The following EML1 variants were observed in gnomAD, a reference collection of about 807,000 sequenced individuals.
EML1 encodes echinoderm microtubule-associated protein-like 1.
EML1 carries 27 observed loss-of-function variants against 110.4 expected under a neutral mutation model. The observed-to-expected ratio is 0.24, with a 90% CI of 0.18 to 0.34. The LOEUF is 0.34. EML1 is among the 10% of genes least tolerant of loss of function. The pLI is 1.00. For synonymous variants in EML1, 344 were observed against 385.8 expected, an observed-to-expected ratio of 0.89 and a Z score of 1.27; for missense variants, 741 against 1,030.9, an observed-to-expected ratio of 0.72 and a Z score of 3.85.
intron 6 of EML1, 91 bp from the exon 7 acceptor site, chr14:99,897,054 T>A (rs1300845279): frequency 8.6e-7 from 1 of 1,167,166 alleles, no homozygotes; most frequent in Non-Finnish European, 1.2e-6. Context: ...GTAATAGTTA[T>A]ATGGTATTTT....
chr14:99,817,233 C>T (rs1378571118), intron 1 of EML1, among the ~76,000 whole-genome samples: 2 of 152,148 alleles, frequency 1.3e-5, no homozygotes, highest in Admixed American at 6.5e-5. Context: ...CTGGTTTGTC[C>T]ATCAGTTGTT....
At chr14:99,758,934 G>A (rs2140184212) in intron 1 of EML1, among the ~76,000 whole-genome samples, 1 of 152,332 alleles carries the variant, frequency 6.6e-6, no homozygotes, top group South Asian at 2.1e-4. Context: ...TTTGCTGATG[G>A]CCATGCTGGC....
chr14:99,868,433 A>G (rs2059138803), intron 3 of EML1, among the ~76,000 whole-genome samples: 1 of 152,130 alleles, frequency 6.6e-6, no homozygotes, highest in African/African-American at 2.4e-5. Flanking sequence ...CGCTGCAGCC[A>G]TTGGGTCCTG....
In EML1 at chr14:99,825,682, G is replaced by A. The variant is rs1260458076; in HGVS notation, c.68-25171G>A. Among the ~76,000 whole-genome samples the A allele has an allele frequency of 2.0e-5, 3 of 152,088 alleles. No homozygotes were observed. In the South Asian group the frequency reaches 6.2e-4, roughly 32 times the overall value. On this transcript the variant is annotated intron_variant, in intron 1 of 21. Transcript: ENST00000262233. ...TAGGAACTGTTATTGTCAGCACCTGGAGCCACACTAAGCGCTTACTAGGAG... is the reference window on the plus strand; with the variant it reads ...TAGGAACTGTTATTGTCAGCACCTGAAGCCACACTAAGCGCTTACTAGGAG...
chr14:99,756,870 C>T lies in EML1; in HGVS notation c.28+19010C>T, dbSNP rs762497870. 3.3e-5 allele frequency among the ~76,000 whole-genome samples: 5 copies of T among 152,156 alleles called. No individual in the cohort carries two copies. In the South Asian group the frequency reaches 6.2e-4, roughly 19 times the overall value. ...TCCTGTGTTCCCAGCCTCACACATC[C>T]GCACGCGGCCCGCACTCTCACAGGG... On this transcript the variant is annotated intron_variant, in intron 1 of 10. Coordinates refer to the EML1 transcript ENST00000554479.
chr14:99,748,427 CT>C (rs762393185), intron 1 of EML1, among the ~76,000 whole-genome samples: 85 of 146,730 alleles, frequency 5.8e-4, no homozygotes, highest in South Asian at 8.6e-4. Flanking sequence ...GCTTTGTTAT[CT>C]TTTTTTTTTT....
upstream of EML1, among the ~76,000 whole-genome samples, chr14:99,772,686 C>A (rs1190722147): frequency 1.3e-5 from 2 of 152,210 alleles, no homozygotes; most frequent in East Asian, 3.8e-4. Context: ...AGAAGTGGAG[C>A]AAAAGGTTCA....
upstream of EML1, among the ~76,000 whole-genome samples, chr14:99,791,996 C>G (rs2057679700): frequency 6.6e-6 from 1 of 152,230 alleles, no homozygotes; most frequent in African/African-American, 2.4e-5. Context: ...GGCCCTTCAG[C>G]CTTCACTCAC....
intron 9 of EML1, among the ~76,000 whole-genome samples, chr14:99,906,305 G>A (rs766621151): frequency 6.6e-6 from 1 of 152,212 alleles, no homozygotes; most frequent in African/African-American, 2.4e-5. Context: ...TTTTAGGAAA[G>A]TAAAGGAATA....
chr14:99,779,089 C>T (rs1478664005), intron 1 of EML1, among the ~76,000 whole-genome samples: 1 of 152,112 alleles, frequency 6.6e-6, no homozygotes, highest in Non-Finnish European at 1.5e-5. Context: ...GTTTTGGAAA[C>T]TTTTCTTGAA....
intron 16 of EML1, among the ~76,000 whole-genome samples, chr14:99,919,895 A>G (rs185438619): frequency 2.1e-4 from 32 of 152,334 alleles, no homozygotes; most frequent in Middle Eastern, 3.4e-3. Context: ...GTGGAAGACA[A>G]GGGACACTCA....
chr14:99,934,303 G>A (rs1006619427), intron 17 of EML1, among the ~76,000 whole-genome samples: 1 of 152,200 alleles, frequency 6.6e-6, no homozygotes, highest in African/African-American at 2.4e-5. Flanking sequence ...CCTGTCTCCG[G>A]CTTCAGCAGT....
intron 1 of EML1, among the ~76,000 whole-genome samples, chr14:99,836,239 T>C (rs987777867): frequency 1.3e-5 from 2 of 152,212 alleles, no homozygotes; most frequent in Admixed American, 1.3e-4. Context: ...ATTTAAATCC[T>C]GTAAATATTT....
intron 1 of EML1, among the ~76,000 whole-genome samples, chr14:99,766,377 A>G (rs1443350032): frequency 2.0e-5 from 3 of 151,838 alleles, no homozygotes; most frequent in Admixed American, 6.6e-5. Flanking sequence ...TATTTTTAGT[A>G]GAGACAGGGT....
At chr14:99,895,607 A>T (rs953460039) in intron 6 of EML1, among the ~76,000 whole-genome samples, 4 of 152,190 alleles carry the variant, frequency 2.6e-5, no homozygotes, top group Non-Finnish European at 5.9e-5. Flanking sequence ...TTCTCCCCTT[A>T]AACCAAGTAT....
intron 1 of EML1, among the ~76,000 whole-genome samples, chr14:99,787,325 T>C (rs1326205394): frequency 6.7e-6 from 1 of 149,936 alleles, no homozygotes; most frequent in Non-Finnish European, 1.5e-5. Context: ...CAGGCTGGAT[T>C]GCGGTGGGCA....
At position 99,937,843 on chromosome 14, in the gene EML1, G is replaced by A. The variant is rs1465386711; in HGVS notation, c.2122G>A (p.Val708Ile). The stretch of plus-strand genomic sequence containing the variant: ...GGTTCCCTCTGCCTGTAAGCAAGTC[G>A]TAAGTGTGGAAACTACAAGAGACAT... ...YWVPSACKQVVSVETTRDIEW... is the reference protein window; with the variant it reads ...YWVPSACKQVISVETTRDIEW... Residue 708 changes from valine (V) to isoleucine (I), a missense_variant, in exon 20 of 22, where the codon GTA (valine) becomes ATA (isoleucine). Coordinates refer to ENST00000262233, the MANE Select transcript of EML1 (RefSeq NM_004434.3). 2.5e-6 allele frequency: 4 copies of A among 1,613,982 alleles called. No homozygotes were observed. The highest frequency in any genetic ancestry group is 1.7e-6 in the Non-Finnish European group (2 of 1,179,986).
intron 17 of EML1, among the ~76,000 whole-genome samples, chr14:99,932,290 A>G (rs1040252630): frequency 6.6e-6 from 1 of 152,210 alleles, no homozygotes; most frequent in South Asian, 2.1e-4. Context: ...CCTGTCAGAG[A>G]TAGAAGTGGA....
intron 1 of EML1, among the ~76,000 whole-genome samples, chr14:99,756,160 C>A (rs957675309): frequency 2.0e-5 from 3 of 152,232 alleles, no homozygotes; most frequent in African/African-American, 7.2e-5. Flanking sequence ...CCAAGGTCAG[C>A]AAGTGCTGGG....
Sources: allele counts gnomAD v4.1 joint callset (sites outside exome capture counted in the v4.1 genomes callset), GRCh38; gene constraint gnomAD v4.1.1; transcripts MANE v1.5; gene names NCBI Gene and HGNC (gene_info 2026-07-23, HGNC 2026-07-21).